The following HOMER1 variants were observed in gnomAD, a reference collection of about 807,000 sequenced individuals.
HOMER1 encodes the protein homer scaffold protein 1.
A neutral mutation model predicts 48.9 loss-of-function variants in HOMER1; 3 were observed. The ratio of observed to expected loss-of-function variants is 0.06; its 90% confidence interval spans 0.03 to 0.16. The LOEUF (loss-of-function observed/expected upper bound fraction) is 0.16. Ranked by LOEUF, HOMER1 falls within the 10% of genes least tolerant of loss-of-function variation. HOMER1 has a pLI of 1.00. For synonymous variants in HOMER1, 134 were observed against 146.4 expected, an observed-to-expected ratio of 0.92 and a Z score of 0.61; for missense variants, 247 against 411.4, an observed-to-expected ratio of 0.60 and a Z score of 3.46.
chr5:79,489,988 G>A (rs2112355793), intron 1 of HOMER1, among the ~76,000 whole-genome samples: 1 of 152,310 alleles, frequency 6.6e-6, no homozygotes, highest in Non-Finnish European at 1.5e-5. Flanking sequence ...TAGGTAAGAG[G>A]TCTAGGTTGC....
chr5:79,449,386 TTGAA>T (rs1429212956), intron 3 of HOMER1, among the ~76,000 whole-genome samples: 1 of 152,254 alleles, frequency 6.6e-6, no homozygotes, highest in East Asian at 1.9e-4. Flanking sequence ...CTGAGATACT[TTGAA>T]TGTAAAACTC....
chr5:79,512,233 T>C (rs1291945479), intron 1 of HOMER1, among the ~76,000 whole-genome samples: 5 of 152,228 alleles, frequency 3.3e-5, no homozygotes, highest in Non-Finnish European at 7.3e-5. Context: ...GAATTTCAGA[T>C]TTTCGTTTTA....
chr5:79,411,314 A>G (rs922817851), intron 5 of HOMER1, among the ~76,000 whole-genome samples: 1 of 151,970 alleles, frequency 6.6e-6, no homozygotes, highest in Non-Finnish European at 1.5e-5. Flanking sequence ...GTGAAACCCA[A>G]CTTCTACCAA....
intron 8 of HOMER1, among the ~76,000 whole-genome samples, chr5:79,381,358 C>T (rs1356387962): frequency 3.3e-5 from 5 of 152,190 alleles, no homozygotes; most frequent in African/African-American, 9.7e-5. Flanking sequence ...AAGAATCTTC[C>T]CCTATGAAAG....
chr5:79,402,268 C>T (rs936939072), intron 5 of HOMER1, among the ~76,000 whole-genome samples: 5 of 151,388 alleles, frequency 3.3e-5, no homozygotes, highest in African/African-American at 7.3e-5. Flanking sequence ...TGGGTTCAAG[C>T]GATTCTCCTG....
intron 5 of HOMER1, among the ~76,000 whole-genome samples, chr5:79,427,065 A>C (rs2112256554): frequency 6.6e-6 from 1 of 152,350 alleles, no homozygotes; most frequent in Admixed American, 6.5e-5. Context: ...GAAGGTTAAT[A>C]TACAAGTATG....
In HOMER1 at chr5:79,457,449, A is replaced by G. The variant is rs544794428; in HGVS notation, c.6-431T>C. Among the ~76,000 whole-genome samples, 6 of 152,326 alleles carry G rather than the reference A, an allele frequency of 3.9e-5. No individual in the cohort carries two copies. The East Asian group carries it at 9.6e-4, about 24-fold the overall frequency. ...TCCTTTTTATGGTCTATTTAGCACCATGTTTTACACATTTCACACTTTGTT... is the reference window on the plus strand; with the variant it reads ...TCCTTTTTATGGTCTATTTAGCACCGTGTTTTACACATTTCACACTTTGTT... On this transcript the variant is annotated intron_variant, in intron 1 of 8. Transcript: ENST00000334082.
chr5:79,497,862 T>A (rs2112368231), intron 1 of HOMER1, among the ~76,000 whole-genome samples: 1 of 152,114 alleles, frequency 6.6e-6, no homozygotes, highest in South Asian at 2.1e-4. Flanking sequence ...TCAAATAAGC[T>A]CCCTGGACCA....
At chr5:79,428,257 C>A (rs982504834) in intron 5 of HOMER1, among the ~76,000 whole-genome samples, 1 of 151,880 alleles carries the variant, frequency 6.6e-6, no homozygotes, top group African/African-American at 2.4e-5. Context: ...TAGAAAAAAA[C>A]AAACACTGAA....
chr5:79,485,158 A>G (rs74654354), intron 1 of HOMER1, among the ~76,000 whole-genome samples: 2,474 of 152,256 alleles, frequency 0.016, 66 homozygotes, highest in African/African-American at 0.056. Context: ...TTCCCTGAGT[A>G]AAGTAAATAT....
intron 1 of HOMER1, among the ~76,000 whole-genome samples, chr5:79,503,165 T>C (rs936344199): frequency 9.2e-5 from 14 of 152,216 alleles, no homozygotes; most frequent in African/African-American, 3.4e-4. Context: ...ACGTAGTCAA[T>C]TAACACATTT....
intron 8 of HOMER1, among the ~76,000 whole-genome samples, chr5:79,378,336 G>A (rs1002697216): frequency 6.6e-6 from 1 of 150,874 alleles, no homozygotes; most frequent in East Asian, 1.9e-4. Flanking sequence ...TGAGTTGCAA[G>A]AGCCTGGGAA....
At chr5:79,379,415 T>C (rs1202105699) in intron 8 of HOMER1, among the ~76,000 whole-genome samples, 12 of 119,750 alleles carry the variant, frequency 1.0e-4, no homozygotes, top group African/African-American at 3.2e-4. Context: ...TATATTTATA[T>C]ATTTTATATA....
intron 8 of HOMER1, among the ~76,000 whole-genome samples, chr5:79,394,851 T>C (rs1749340578): frequency 6.6e-6 from 1 of 152,246 alleles, no homozygotes; most frequent in Non-Finnish European, 1.5e-5. Context: ...ATTATAGGCA[T>C]AAGCAACTAT....
At chr5:79,453,833 G>C (rs986945419) in intron 2 of HOMER1, among the ~76,000 whole-genome samples, 5 of 152,178 alleles carry the variant, frequency 3.3e-5, no homozygotes, top group Non-Finnish European at 7.3e-5. Context: ...CAATCATGAA[G>C]AGCAGAAGTC....
chr5:79,454,268 G>T (rs3884505), intron 2 of HOMER1, among the ~76,000 whole-genome samples: 2 of 151,830 alleles, frequency 1.3e-5, no homozygotes, highest in Non-Finnish European at 2.9e-5. Context: ...TCTTTTCTCC[G>T]ACATGGGACT....
Position 79,391,609 on chromosome 5 carries a change from G to T in HOMER1, c.876+5214C>A, listed in dbSNP as rs890737577. Among the ~76,000 whole-genome samples the T allele has an allele frequency of 3.0e-4, 46 of 151,766 alleles. 1 individual carries two copies. The highest frequency in any genetic ancestry group is 5.9e-5 in the Non-Finnish European group (4 of 67,938). On this transcript the variant is annotated intron_variant, in intron 8 of 8. Transcript: ENST00000334082. ...AAAATGCAAAAAATTAGCCGGGCGT[G>T]GTGGCATGTGCCTGTAGTCCCAGCT...
chr5:79,456,797 A>G lies in HOMER1; in HGVS notation c.162+65T>C, dbSNP rs1751187881. ...TTAATGAAGATAAAATGTTCTGAAT[A>G]GAACTAAAATGTCATACTGAAAAAA... On this transcript the variant is annotated intron_variant, in intron 2 of 8. Coordinates refer to ENST00000334082, the MANE Select transcript of HOMER1 (RefSeq NM_004272.5). 3.6e-6 allele frequency: 5 copies of G among 1,389,546 alleles called. No homozygotes were observed. The Admixed American group carries it at 5.5e-5, about 15-fold the overall frequency. 86.1% of individuals were successfully genotyped at this position (1,389,546 alleles called of 1,614,324 possible).
At chr5:79,427,132 G>A (rs1750278991) in intron 5 of HOMER1, among the ~76,000 whole-genome samples, 1 of 151,996 alleles carries the variant, frequency 6.6e-6, no homozygotes, top group Non-Finnish European at 1.5e-5. Flanking sequence ...ATAAAAACTA[G>A]GTAGAACACT....
Sources: allele counts gnomAD v4.1 joint callset (sites outside exome capture counted in the v4.1 genomes callset), GRCh38; gene constraint gnomAD v4.1.1; transcripts MANE v1.5; gene names NCBI Gene and HGNC (gene_info 2026-07-23, HGNC 2026-07-21).